Variants in NTRK3 observed in about 807,000 individuals in gnomAD.
NTRK3 encodes the protein neurotrophic receptor tyrosine kinase 3, also known as NT-3 growth factor receptor.
Under a neutral mutation model 91.7 loss-of-function variants are expected in NTRK3, and 24 were observed. The ratio of observed to expected loss-of-function variants is 0.26; its 90% CI spans 0.19 to 0.37. The LOEUF (loss-of-function observed/expected upper bound fraction) is 0.37. Among genes scored for constraint, NTRK3 ranks in the 10% least tolerant of loss-of-function variants. NTRK3 has a pLI of 1.00. For synonymous variants in NTRK3, 483 were observed against 404.0 expected, an observed-to-expected ratio of 1.20 and a Z score of -2.34; for missense variants, 880 against 1,068.9, an observed-to-expected ratio of 0.82 and a Z score of 2.46.
intron 14 of NTRK3, among the ~76,000 whole-genome samples, chr15:88,012,574 A>G (rs1464187733): frequency 6.6e-6 from 1 of 152,226 alleles, no homozygotes; most frequent in African/African-American, 2.4e-5. Context: ...TACCAAAACA[A>G]CCACAGCAGA....
At chr15:88,153,947 A>G (rs1437612658) in intron 5 of NTRK3, among the ~76,000 whole-genome samples, 1 of 152,012 alleles carries the variant, frequency 6.6e-6, no homozygotes, top group Admixed American at 6.5e-5. Flanking sequence ...CATAGCAATC[A>G]TCTTGGAGAC....
chr15:87,864,527 T>C (rs2064611408), exon 19 of NTRK3: 1 of 229,626 alleles, frequency 4.4e-6, no homozygotes, highest in African/African-American at 2.2e-5. Flanking sequence ...GGAAGTTATA[T>C]AGTGAAATGA....
At chr15:87,933,475 T>C (rs934308083) in intron 15 of NTRK3, among the ~76,000 whole-genome samples, 8 of 152,172 alleles carry the variant, frequency 5.3e-5, no homozygotes, top group African/African-American at 1.9e-4. Context: ...CGCAGGTGAG[T>C]GTACATGGCA....
chr15:88,232,594 C>G (rs1360505281), intron 3 of NTRK3, among the ~76,000 whole-genome samples: 1 of 152,074 alleles, frequency 6.6e-6, no homozygotes, highest in Non-Finnish European at 1.5e-5. Context: ...GGCAATTGGC[C>G]CTCTAGACAC....
intron 14 of NTRK3, among the ~76,000 whole-genome samples, chr15:88,030,865 C>T (rs752207607): frequency 6.6e-6 from 1 of 151,962 alleles, no homozygotes; most frequent in Admixed American, 6.6e-5. Flanking sequence ...AACTCTCATA[C>T]TATAAACAAC....
exon 19 of NTRK3, chr15:87,872,940 G>A (rs534991527): frequency 3.1e-4 from 72 of 233,086 alleles, no homozygotes; most frequent in Non-Finnish European, 5.7e-4. Flanking sequence ...AGGCCACGTG[G>A]ATAACTAATA....
intron 14 of NTRK3, among the ~76,000 whole-genome samples, chr15:88,007,094 G>C (rs114071287): frequency 6.6e-6 from 1 of 152,076 alleles, no homozygotes; most frequent in Non-Finnish European, 1.5e-5. Context: ...CATGACCCCC[G>C]GCCTCCAAAA....
At chr15:88,093,641 G>A (rs1256757771) in intron 13 of NTRK3, among the ~76,000 whole-genome samples, 1 of 152,128 alleles carries the variant, frequency 6.6e-6, no homozygotes, top group African/African-American at 2.4e-5. Context: ...TCATTGTTAT[G>A]AAGAACATGT....
exon 19 of NTRK3, chr15:87,875,395 C>G (rs538995175): frequency 4.3e-6 from 1 of 231,502 alleles, no homozygotes; most frequent in South Asian, 1.8e-4. Context: ...TATGTGGCAG[C>G]AGCCAGGAAG....
intron 3 of NTRK3, among the ~76,000 whole-genome samples, chr15:88,194,969 C>T (rs1393308300): frequency 6.6e-6 from 1 of 152,192 alleles, no homozygotes; most frequent in African/African-American, 2.4e-5. Context: ...CCTGACCAAC[C>T]TAGCTAGGGT....
At chr15:88,095,276 C>T (rs1205952503) in intron 13 of NTRK3, among the ~76,000 whole-genome samples, 2 of 152,232 alleles carry the variant, frequency 1.3e-5, no homozygotes, top group African/African-American at 4.8e-5. Flanking sequence ...AATGTCTCAA[C>T]AAAGATGGCT....
At chr15:88,135,815 C>G in intron 9 of NTRK3, 84 bp downstream of exon 9, 1 of 1,557,488 alleles carries the variant, frequency 6.4e-7, no homozygotes, top group South Asian at 1.2e-5. Flanking sequence ...CTAGCTCACC[C>G]CTGACAACAC....
At chr15:87,872,894 T>C (rs1253869288) in exon 19 of NTRK3, 2 of 232,956 alleles carry the variant, frequency 8.6e-6, no homozygotes, top group African/African-American at 2.2e-5. Flanking sequence ...ACAAACCTCT[T>C]AAACGTCTCA....
rs567796533 is a variant in NTRK3 at position 88,159,236 on chromosome 15, A to G, written c.396-11833T>C. On this transcript the variant is annotated intron_variant, in intron 5 of 18. Transcript: ENST00000394480. ...ATCTATGACTCTCTTAAAAACAACA[A>G]AACTGTGAACAGAAAGCTGCTCTGG... is the stretch of plus-strand genomic sequence containing the variant. Among the ~76,000 whole-genome samples, 70 of 152,340 alleles carry G rather than the reference A, an allele frequency of 4.6e-4. 2 individuals are homozygous for G. The South Asian group carries it at 0.015, about 32-fold the overall frequency.
chr15:88,126,386 A>G lies in NTRK3; in HGVS notation c.1294-13T>C. ...CTGCTATGGATACCTGTGAGGAACC[A>G]GAAACAGAGAGTCAGCAACAATCAC... On this transcript the variant is annotated splice_polypyrimidine_tract_variant and intron_variant, in intron 12 of 18. Transcript: ENST00000394480. The G allele has an allele frequency of 6.4e-7, 1 of 1,571,086 alleles. No individual in the cohort carries two copies. Among genetic ancestry groups the G allele is most frequent in the East Asian group, 2.2e-5 (1 of 44,680 alleles).
At chr15:88,112,791 C>A (rs2051563965) in intron 13 of NTRK3, among the ~76,000 whole-genome samples, 1 of 152,166 alleles carries the variant, frequency 6.6e-6, no homozygotes, top group Non-Finnish European at 1.5e-5. Flanking sequence ...AGCACTCTCC[C>A]CCGCTTCAAG....
At chr15:88,038,806 G>A (rs1397711686) in intron 13 of NTRK3, among the ~76,000 whole-genome samples, 4 of 151,536 alleles carry the variant, frequency 2.6e-5, no homozygotes, top group South Asian at 2.1e-4. Flanking sequence ...TGACGGAGCT[G>A]TGCCAGGTTG....
intron 14 of NTRK3, among the ~76,000 whole-genome samples, chr15:87,984,900 C>T (rs1206909582): frequency 6.6e-6 from 1 of 152,098 alleles, no homozygotes; most frequent in Non-Finnish European, 1.5e-5. Context: ...TATCCTTCAC[C>T]CCTGCACTTA....
At chr15:87,935,969 A>G (rs2069239091) in intron 15 of NTRK3, among the ~76,000 whole-genome samples, 1 of 152,228 alleles carries the variant, frequency 6.6e-6, no homozygotes, top group South Asian at 2.1e-4. Flanking sequence ...AACGTAGGGT[A>G]TGGCAACTAG....
Sources: gnomAD v4.1 joint callset for allele counts (sites outside exome capture counted in the v4.1 genomes callset) on GRCh38, gnomAD v4.1.1 for gene constraint, MANE v1.5 for transcripts, NCBI Gene and HGNC (gene_info 2026-07-23, HGNC 2026-07-21) for gene names.